The following MSRB3 variants were observed in gnomAD, a reference collection of about 807,000 sequenced individuals.
MSRB3 encodes the protein methionine sulfoxide reductase B3.
MSRB3 carries 13 observed loss-of-function variants against 21.0 expected under a neutral mutation model. The ratio of observed to expected loss-of-function variants is 0.62; its 90% CI spans 0.40 to 0.98. The LOEUF is 0.98. MSRB3 is among the 50% of genes least tolerant of loss of function. MSRB3 has a pLI of 0.00. For synonymous variants in MSRB3, 87 were observed against 88.6 expected (o/e 0.98, Z 0.10); for missense variants, 199 against 230.3 (o/e 0.86, Z 0.88).
chr12:65,346,663 G>A (rs570445213), intron 4 of MSRB3, among the ~76,000 whole-genome samples: 1 of 152,234 alleles, frequency 6.6e-6, no homozygotes, highest in East Asian at 1.9e-4. Context: ...CCTTGCCCAT[G>A]CCTATGTCCT....
chr12:65,454,182 G>C (rs1882987056), intron 6 of MSRB3: 1 of 345,700 alleles, frequency 2.9e-6, no homozygotes, highest in South Asian at 2.5e-5. Context: ...AGCTACTCAG[G>C]GGGGCTGAAG....
intron 5 of MSRB3, among the ~76,000 whole-genome samples, chr12:65,403,929 C>T (rs1826663): frequency 0.63 from 96,141 of 152,026 alleles, 30,592 homozygotes; most frequent in Admixed American, 0.72. Flanking sequence ...CCTCCATGGG[C>T]TGCACCCACT....
intron 1 of MSRB3, among the ~76,000 whole-genome samples, chr12:65,301,454 G>C (rs1873326850): frequency 6.6e-6 from 1 of 152,296 alleles, no homozygotes; most frequent in East Asian, 1.9e-4. Flanking sequence ...CTGTGAGCTT[G>C]ACAGCTTCTC....
intron 4 of MSRB3, among the ~76,000 whole-genome samples, chr12:65,364,371 A>G (rs558083594): frequency 6.6e-6 from 1 of 152,316 alleles, no homozygotes; most frequent in Admixed American, 6.5e-5. Flanking sequence ...GAAGGCAGTA[A>G]CATTCTGTGC....
At position 65,296,874 on chromosome 12, in the gene MSRB3, T is replaced by TTC. The variant is rs1448077268; in HGVS notation, c.-51-11654_-51-11653insCT. 4.3e-4 allele frequency among the ~76,000 whole-genome samples: 65 copies of TTC among 152,290 alleles called. No homozygotes were observed. In the East Asian group the frequency reaches 0.012, roughly 27 times the overall value. On this transcript the variant is annotated intron_variant, in intron 1 of 6. Coordinates refer to ENST00000308259, the MANE Select transcript of MSRB3 (RefSeq NM_001031679.3). ...GTAGTGTGGAGGAAGAACTGATTAA[T>TTC]TTTCTCATGGAAGTGATAGGGAGAA...
rs183565828 is a variant in MSRB3, at chr12:65,424,323, G to T, written c.293-29405G>T. Among the ~76,000 whole-genome samples the T allele has an allele frequency of 4.0e-3, 609 of 151,272 alleles. 4 individuals are homozygous for T. The highest frequency in any genetic ancestry group is 0.014 in the African/African-American group (569 of 41,268). On this transcript the variant is annotated intron_variant, in intron 5 of 6. Coordinates refer to ENST00000308259, the MANE Select transcript of MSRB3 (RefSeq NM_001031679.3). ...TCTAGTCTCTATTTATTTCTGCTCT[G>T]ATTTTTATTATTTTCTTCTTCCTGC...
intron 5 of MSRB3, among the ~76,000 whole-genome samples, chr12:65,407,246 A>T (rs1056375708): frequency 6.8e-6 from 1 of 147,170 alleles, no homozygotes; most frequent in Non-Finnish European, 1.5e-5. Context: ...AAAAACCGCA[A>T]TTTTTTTTTT....
chr12:65,414,277 C>A (rs913603204), intron 5 of MSRB3, among the ~76,000 whole-genome samples: 2 of 151,994 alleles, frequency 1.3e-5, no homozygotes, highest in Non-Finnish European at 2.9e-5. Flanking sequence ...GTAATACGGC[C>A]TGGGGAGAAT....
chr12:65,405,127 A>G (rs1246474281), intron 5 of MSRB3, among the ~76,000 whole-genome samples: 2 of 151,024 alleles, frequency 1.3e-5, no homozygotes, highest in African/African-American at 2.4e-5. Context: ...ATTTTTTTGT[A>G]TTTTTCGTAG....
At chr12:65,299,497 T>C (rs1873182757) in intron 1 of MSRB3, among the ~76,000 whole-genome samples, 2 of 152,314 alleles carry the variant, frequency 1.3e-5, no homozygotes, top group South Asian at 4.1e-4. Context: ...AGCAAGTGAC[T>C]TTGTCTTTAA....
intron 4 of MSRB3, among the ~76,000 whole-genome samples, chr12:65,334,840 G>A (rs899780635): frequency 1.3e-5 from 2 of 152,092 alleles, no homozygotes; most frequent in South Asian, 2.1e-4. Context: ...AAACTGGGAG[G>A]TCATTTTATT....
At chr12:65,323,866 C>T (rs1040076984) in intron 2 of MSRB3, among the ~76,000 whole-genome samples, 1 of 151,906 alleles carries the variant, frequency 6.6e-6, no homozygotes, top group African/African-American at 2.4e-5. Context: ...TTAAATTGTC[C>T]AGGAAGTATA....
intron 4 of MSRB3, among the ~76,000 whole-genome samples, chr12:65,347,879 G>T (rs989852257): frequency 1.3e-5 from 2 of 152,130 alleles, no homozygotes; most frequent in African/African-American, 4.8e-5. Context: ...TTATATGCTG[G>T]ATTACGTTTA....
At chr12:65,296,150 C>A (rs1289035692) in intron 1 of MSRB3, among the ~76,000 whole-genome samples, 1 of 152,132 alleles carries the variant, frequency 6.6e-6, no homozygotes, top group Non-Finnish European at 1.5e-5. Context: ...TTTGAAATTT[C>A]TTTTTTGTCA....
chr12:65,397,811 A>G (rs1319980020), intron 5 of MSRB3, among the ~76,000 whole-genome samples: 3 of 152,090 alleles, frequency 2.0e-5, no homozygotes, highest in Non-Finnish European at 4.4e-5. Context: ...CCCTATGTCC[A>G]TGTGTTCTCA....
At chr12:65,317,409 G>A (rs554674476) in intron 2 of MSRB3, among the ~76,000 whole-genome samples, 86 of 152,220 alleles carry the variant, frequency 5.6e-4, no homozygotes, top group African/African-American at 2.0e-3. Context: ...AAATAATGGG[G>A]TATCAAATGA....
chr12:65,400,399 C>T (rs1186952206), intron 5 of MSRB3, among the ~76,000 whole-genome samples: 1 of 152,002 alleles, frequency 6.6e-6, no homozygotes, highest in South Asian at 2.1e-4. Context: ...ATTTTTGTAG[C>T]AGTGTTTGTA....
At chr12:65,343,224 T>C (rs1179499734) in intron 4 of MSRB3, among the ~76,000 whole-genome samples, 1 of 152,152 alleles carries the variant, frequency 6.6e-6, no homozygotes, top group Non-Finnish European at 1.5e-5. Flanking sequence ...GCCCATCTAC[T>C]CACATTCGTG....
rs139495846 is a variant in MSRB3 at position 65,394,157 on chromosome 12, G to A, written c.292+25131G>A. Among the ~76,000 whole-genome samples the A allele has an allele frequency of 8.7e-3, 1,324 of 151,964 alleles. 21 individuals are homozygous for A. The highest frequency in any genetic ancestry group is 0.03 in the African/African-American group (1,250 of 41,470). ...GAATTAGATGCTTCTATATGCTTGC[G>A]TATATTTATCAAAGACTTCTTTATG... On this transcript the variant is annotated intron_variant, in intron 5 of 6. Coordinates refer to ENST00000308259, the MANE Select transcript of MSRB3 (RefSeq NM_001031679.3).
Sources: allele counts gnomAD v4.1 joint callset (sites outside exome capture counted in the v4.1 genomes callset), GRCh38; gene constraint gnomAD v4.1.1; transcripts MANE v1.5; gene names NCBI Gene and HGNC (gene_info 2026-07-23, HGNC 2026-07-21).